The following FGFR1 variants were observed in gnomAD, a reference collection of about 807,000 sequenced individuals.
The protein encoded by FGFR1 is FGFR1/PLAG1 fusion.
Under a neutral mutation model 93.7 loss-of-function variants are expected in FGFR1, and 18 were observed. The observed-to-expected ratio is 0.19, with a 90% CI of 0.13 to 0.28. The LOEUF is 0.28. Ranked by LOEUF, FGFR1 falls within the 10% of genes least tolerant of loss-of-function variation. The pLI is 1.00. For synonymous variants in FGFR1, 448 were observed against 429.3 expected, an observed-to-expected ratio of 1.04 and a Z score of -0.54; for missense variants, 731 against 1,080.4, an observed-to-expected ratio of 0.68 and a Z score of 4.53.
intron 2 of FGFR1, among the ~76,000 whole-genome samples, chr8:38,453,667 C>T (rs1296699440): frequency 2.6e-5 from 4 of 152,088 alleles, no homozygotes; most frequent in African/African-American, 7.2e-5. Flanking sequence ...TTTGGGAAGC[C>T]GAGGTGGGCA....
At chr8:38,460,514 G>A (rs1457220206) in intron 1 of FGFR1, among the ~76,000 whole-genome samples, 1 of 152,074 alleles carries the variant, frequency 6.6e-6, no homozygotes. Context: ...AAAGCCTGCC[G>A]CCTCCTCCCA....
At chr8:38,430,715 C>T (rs1168147757) in intron 2 of FGFR1, 1 of 152,426 alleles carries the variant, frequency 6.6e-6, no homozygotes, top group African/African-American at 2.4e-5. Flanking sequence ...CTCCTCAGCC[C>T]TCTGACTGGG....
intron 2 of FGFR1, chr8:38,434,329 C>CTTTT: frequency 8.8e-6 from 1 of 113,488 alleles, no homozygotes; most frequent in South Asian, 1.9e-4. Flanking sequence ...ATTGCTGCTG[C>CTTTT]TTTTTTTTTT....
rs1329256283 is a variant in FGFR1 at position 38,414,010 on chromosome 8, G to A, written c.2200C>T (p.Arg734Trp). The change falls in exon 17 of 18, where the codon CGG (arginine) becomes TGG (tryptophan). Residue 734 changes from arginine to tryptophan, a missense_variant. This residue lies in a region of FGFR1 where 35 missense variants were observed against 78.0 expected (regional missense o/e 0.45). Transcript: ENST00000447712. ...GAGGGCACTGCATGCCAGCAGTCCC[G>A]CATCATCATGTACCTGCGGCAGGAC... ...NCTNELYMMM[R>W]DCWHAVPSQR... 4.3e-6 allele frequency: 7 copies of A among 1,613,984 alleles called. No individual in the cohort carries two copies. Among genetic ancestry groups the A allele is most frequent in the South Asian group, 3.3e-5 (3 of 91,058 alleles).
At chr8:38,415,829 C>T in intron 13 of FGFR1, 41 bp downstream of exon 13, 1 of 1,595,192 alleles carries the variant, frequency 6.3e-7, no homozygotes. Context: ...GGGCTCTGTT[C>T]CCACCCTGGC....
chr8:38,466,015 C>T (rs2151481776), intron 1 of FGFR1: 1 of 230,414 alleles, frequency 4.3e-6, no homozygotes, highest in Non-Finnish European at 8.6e-6. Flanking sequence ...GGTAAGACAC[C>T]GACTCTCCCC....
At position 38,429,372 on chromosome 8, in the gene FGFR1, T is replaced by G. The variant is rs1563511548; in HGVS notation, c.358+310A>C. On this transcript the variant is annotated intron_variant, in intron 3 of 17. Coordinates refer to ENST00000447712, the MANE Select transcript of FGFR1 (RefSeq NM_023110.3). This position sits in a 1 kb window ranked among gnomAD's most constrained non-coding sequence, Gnocchi z 4.4. ...GAAGCTGGCCGAGCACCACTTAGCC[T>G]CCTGGAGATCTGGGCAAGCTGTGGT... The G allele has an allele frequency of 1.5e-6, 1 of 655,190 alleles. No homozygotes were observed. The highest frequency in any genetic ancestry group is 2.9e-6 in the Non-Finnish European group (1 of 348,026). The allele number at this position is 655,190 out of a possible 1,614,324, so 40.6% of individuals were successfully genotyped here.
Position 38,457,480 on chromosome 8 carries a change from T to C in FGFR1, c.-34A>G. 2 of 1,613,282 alleles carry C rather than the reference T, an allele frequency of 1.2e-6. No individual in the cohort carries two copies. The highest frequency in any genetic ancestry group is 2.2e-5 in the South Asian group (2 of 90,920). ...TGCAGTTAGAGGTTGGTGACAAGGC[T>C]CCACATCTCCATGGATACTCCACAG... On this transcript the variant is annotated 5_prime_UTR_variant, in exon 2 of 18. Coordinates refer to ENST00000447712, the MANE Select transcript of FGFR1 (RefSeq NM_023110.3).
At chr8:38,463,013 T>G (rs1325416070) in intron 1 of FGFR1, 2 of 150,768 alleles carry the variant, frequency 1.3e-5, no homozygotes, top group African/African-American at 4.9e-5. Context: ...CAAGTGATCC[T>G]CCCACCTCAG....
intron 2 of FGFR1, among the ~76,000 whole-genome samples, chr8:38,451,400 G>C (rs1036121885): frequency 6.6e-6 from 1 of 152,054 alleles, no homozygotes; most frequent in African/African-American, 2.4e-5. Context: ...TCTCCCTGCA[G>C]CCAGGCTGAA....
At position 38,429,119 on chromosome 8, in the gene FGFR1, A is replaced by G. The variant is rs1470148000; in HGVS notation, c.358+563T>C. 35 of 361,596 alleles carry G rather than the reference A, an allele frequency of 9.7e-5. No homozygotes were observed. In the East Asian group the frequency reaches 2.5e-3, roughly 26 times the overall value. 22.4% of individuals were successfully genotyped at this position (361,596 alleles called of 1,614,324 possible). On this transcript the variant is annotated intron_variant, in intron 3 of 17. Coordinates refer to ENST00000447712, the MANE Select transcript of FGFR1 (RefSeq NM_023110.3). The surrounding 1 kb of genome is among the most constrained non-coding windows in gnomAD (Gnocchi z 4.4). ...ACCCTGAGGTGCATAAATGGCATAA[A>G]GAAAATTTCAGCTCCACTTCCTCAA...
Position 38,424,851 on chromosome 8 carries a change from G to A in FGFR1, c.746-152C>T, listed in dbSNP as rs1563489998. ...GCCCAAGCCTCTCAAAACAGAGCTG[G>A]GGAAAGGGACACCCTCTCTTCAGGC... On this transcript the variant is annotated intron_variant, in intron 6 of 17. Transcript: ENST00000447712. The surrounding 1 kb of genome is among the most constrained non-coding windows in gnomAD (Gnocchi z 4.3). 1.3e-6 allele frequency: 1 copy of A among 743,028 alleles called. No homozygotes were observed. Among genetic ancestry groups the A allele is most frequent in the African/African-American group, 1.8e-5 (1 of 56,646 alleles). The allele number at this position is 743,028 out of a possible 1,614,324, so 46.0% of individuals were successfully genotyped here.
At chr8:38,465,544 G>C (rs899329184) in intron 1 of FGFR1, 1 of 229,144 alleles carries the variant, frequency 4.4e-6, no homozygotes, top group South Asian at 1.8e-4. Flanking sequence ...GGAGGGTCGG[G>C]GCAGCCCCGG....
chr8:38,411,277 T>C lies in FGFR1; in HGVS notation c.*2351A>G, dbSNP rs1382155096. The C allele has an allele frequency of 4.8e-6, 1 of 209,952 alleles. No homozygotes were observed. The highest frequency in any genetic ancestry group is 2.3e-5 in the African/African-American group (1 of 44,048). 13.0% of individuals were successfully genotyped at this position (209,952 alleles called of 1,614,324 possible). On this transcript the variant is annotated 3_prime_UTR_variant, in exon 18 of 18. Transcript: ENST00000447712. ...TTTTTCTAGCACCTCTCCCAAGGAC[T>C]TATGAAGACTTTTAGATTCTTCATC...
intron 11 of FGFR1, 116 bp from the exon 12 acceptor site, chr8:38,417,532 C>T (rs1817112492): frequency 5.6e-6 from 5 of 898,442 alleles, no homozygotes; most frequent in South Asian, 5.5e-5. Flanking sequence ...ATTCTCTCCT[C>T]CCCACTTCAT....
rs2150507200 is a variant in FGFR1 at position 38,413,705 on chromosome 8, G to C, written c.2392C>G (p.His798Asp). The C allele has an allele frequency of 3.1e-6, 5 of 1,613,992 alleles. No individual in the cohort carries two copies. Among genetic ancestry groups the C allele is most frequent in the Non-Finnish European group, 4.2e-6 (5 of 1,179,948 alleles). Residue 798 changes from histidine (H) to aspartate (D), a missense_variant, in exon 18 of 18, where the codon CAT becomes GAT. Physicochemically the swap from His to Asp is moderately conservative, Grantham distance 81. Transcript: ENST00000447712. The surrounding 1 kb of genome is among the most constrained non-coding windows in gnomAD (Gnocchi z 4.2). Reference sequence around the variant, plus strand: ...CAGGGCTCCTCGGGCAGCGGCTCATGAGAGAAGACGGAATCCTCCCCTGAG... The same window carrying C: ...CAGGGCTCCTCGGGCAGCGGCTCATCAGAGAAGACGGAATCCTCCCCTGAG... ...CSSGEDSVFS[H>D]EPLPEEPCLP...
In FGFR1 at chr8:38,440,310, G is replaced by C. The variant is rs533292832; in HGVS notation, c.92-10362C>G. Reference sequence around the variant, plus strand: ...GAAATGGAACTGAAAACTTACCTTCGGCTGGCAGGACCCGGCCAGAGTGCA... The same window carrying C: ...GAAATGGAACTGAAAACTTACCTTCCGCTGGCAGGACCCGGCCAGAGTGCA... On this transcript the variant is annotated intron_variant, in intron 2 of 17. Transcript: ENST00000447712. The C allele has an allele frequency of 1.5e-4, 244 of 1,604,268 alleles. No homozygotes were observed. Among genetic ancestry groups the C allele is most frequent in the Non-Finnish European group, 2.0e-4 (236 of 1,176,282 alleles).
chr8:38,429,773 C>T lies in FGFR1; in HGVS notation c.267G>A (p.Gln89=). 1 of 1,609,548 alleles carries T rather than the reference C, an allele frequency of 6.2e-7. No individual in the cohort carries two copies. The highest frequency in any genetic ancestry group is 2.2e-5 in the East Asian group (1 of 44,634). Residue 89 remains glutamine (Q), a synonymous_variant, in exon 3 of 18, where the codon CAG becomes CAA. Transcript: ENST00000447712. This position sits in a 1 kb window ranked among gnomAD's most constrained non-coding sequence, Gnocchi z 4.4. Reference sequence around the variant, plus strand: ...GGCCGGAGTCTGCGGGCACGGAGTCCTGCACCTCCACCTCCTCCCCTGTGA... The same window carrying T: ...GGCCGGAGTCTGCGGGCACGGAGTCTTGCACCTCCACCTCCTCCCCTGTGA... ...TRITGEEVEV[Q]DSVPADSGLY...
intron 2 of FGFR1, among the ~76,000 whole-genome samples, chr8:38,433,707 C>T (rs569153409): frequency 2.6e-4 from 40 of 152,286 alleles, no homozygotes; most frequent in African/African-American, 8.9e-4. Flanking sequence ...AAACAGTTAC[C>T]GCCTGAATCA....
Sources: gnomAD v4.1 joint callset for allele counts (sites outside exome capture counted in the v4.1 genomes callset) on GRCh38, gnomAD v4.1.1 for gene constraint, gnomAD v4.1.1 regional missense constraint, Gnocchi (gnomAD v3.1) non-coding constraint, MANE v1.5 for transcripts, NCBI Gene and HGNC (gene_info 2026-07-23, HGNC 2026-07-21) for gene names.